Variants in GRM3 observed in about 807,000 individuals in gnomAD.
GRM3 encodes metabotropic glutamate receptor 3.
In GRM3, 26 loss-of-function variants were observed where a neutral mutation model predicts 70.5. That is an observed-to-expected ratio of 0.37 (90% CI 0.27 to 0.51). The LOEUF (loss-of-function observed/expected upper bound fraction) is 0.51. Among genes scored for constraint, GRM3 ranks in the 20% least tolerant of loss-of-function variants. The pLI is 0.93. For missense variants in GRM3, 859 were observed against 1,123.8 expected, an observed-to-expected ratio of 0.76 and a Z score of 3.37; for synonymous variants, 443 against 434.9, an observed-to-expected ratio of 1.02 and a Z score of -0.23.
At chr7:86,803,381 C>T (rs913869968) in intron 3 of GRM3, among the ~76,000 whole-genome samples, 2 of 152,140 alleles carry the variant, frequency 1.3e-5, no homozygotes, top group African/African-American at 4.8e-5. Context: ...TTGTCACATT[C>T]CTTTTCTGCC....
intron 1 of GRM3, among the ~76,000 whole-genome samples, chr7:86,668,580 G>T (rs768409500): frequency 1.3e-5 from 2 of 152,026 alleles, no homozygotes; most frequent in Non-Finnish European, 2.9e-5. Flanking sequence ...ACTTTCTAAT[G>T]ACCCCGTCTT....
At chr7:86,805,343 C>T (rs1485094694) in intron 3 of GRM3, among the ~76,000 whole-genome samples, 1 of 152,096 alleles carries the variant, frequency 6.6e-6, no homozygotes, top group Non-Finnish European at 1.5e-5. Flanking sequence ...AGAGTTCCCA[C>T]ATACTCCTCC....
At chr7:86,661,661 T>A (rs1793896335) in intron 1 of GRM3, among the ~76,000 whole-genome samples, 1 of 151,966 alleles carries the variant, frequency 6.6e-6, no homozygotes, top group Non-Finnish European at 1.5e-5. Flanking sequence ...AAGAAAAAAT[T>A]ACTCTGAATC....
At chr7:86,781,674 GT>G (rs902034897) in intron 2 of GRM3, among the ~76,000 whole-genome samples, 4 of 151,956 alleles carry the variant, frequency 2.6e-5, no homozygotes, top group African/African-American at 9.7e-5. Context: ...AAAACAAAAG[GT>G]TTAGATCATC....
chr7:86,824,039 G>C (rs1006318600), intron 3 of GRM3, among the ~76,000 whole-genome samples: 4 of 152,166 alleles, frequency 2.6e-5, no homozygotes, highest in Non-Finnish European at 5.9e-5. Context: ...CTAGAGACTG[G>C]AAGTGCAAAG....
chr7:86,644,684 C>T lies in GRM3; in HGVS notation c.-329C>T, dbSNP rs1159949584. On this transcript the variant is annotated 5_prime_UTR_variant, in exon 1 of 6. Transcript: ENST00000361669. Reference sequence around the variant, plus strand: ...CAGGGGGCACTGTGACAGGAAGCTGCGCGCACAAGTTGGCCATTTCGAGGG... The same window carrying T: ...CAGGGGGCACTGTGACAGGAAGCTGTGCGCACAAGTTGGCCATTTCGAGGG... 5.6e-6 allele frequency: 4 copies of T among 718,358 alleles called. No homozygotes were observed. Among genetic ancestry groups the T allele is most frequent in the South Asian group, 1.4e-5 (1 of 69,782 alleles). 44.5% of individuals were successfully genotyped at this position (718,358 alleles called of 1,614,324 possible).
intron 4 of GRM3, 98 bp from the exon 5 acceptor site, chr7:86,850,272 T>A: frequency 2.7e-6 from 2 of 747,620 alleles, no homozygotes; most frequent in South Asian, 3.3e-5. Flanking sequence ...TGTCAATTAT[T>A]CTGGATTTTT....
At chr7:86,748,032 C>T (rs903342943) in intron 1 of GRM3, among the ~76,000 whole-genome samples, 1 of 152,006 alleles carries the variant, frequency 6.6e-6, no homozygotes, top group African/African-American at 2.4e-5. Flanking sequence ...TTTTTAAAAG[C>T]TTAGTAGACT....
chr7:86,758,439 G>C (rs1007648290), intron 1 of GRM3, among the ~76,000 whole-genome samples: 1 of 152,142 alleles, frequency 6.6e-6, no homozygotes, highest in Non-Finnish European at 1.5e-5. Flanking sequence ...AGGGAATTTG[G>C]AGAGGCTCTA....
chr7:86,834,729 T>C (rs936612399), intron 3 of GRM3, among the ~76,000 whole-genome samples: 1 of 152,036 alleles, frequency 6.6e-6, no homozygotes, highest in Admixed American at 6.6e-5. Flanking sequence ...CATATTACTT[T>C]AGAAGTGCTT....
chr7:86,797,077 G>A (rs989724828), intron 3 of GRM3, among the ~76,000 whole-genome samples: 5 of 152,158 alleles, frequency 3.3e-5, no homozygotes, highest in African/African-American at 1.2e-4. Context: ...TAATTACCCA[G>A]TCTCAGGTAT....
intron 3 of GRM3, among the ~76,000 whole-genome samples, chr7:86,818,347 T>C (rs997994651): frequency 2.0e-5 from 3 of 152,052 alleles, no homozygotes; most frequent in African/African-American, 7.2e-5. Flanking sequence ...AACAAATACA[T>C]AAATTAGACT....
chr7:86,842,248 C>A (rs1158646274), intron 4 of GRM3, among the ~76,000 whole-genome samples: 1 of 152,186 alleles, frequency 6.6e-6, no homozygotes. Flanking sequence ...CTTATCCCAC[C>A]AATATGTCTA....
chr7:86,704,156 A>G (rs1023372601), intron 1 of GRM3, among the ~76,000 whole-genome samples: 3 of 151,932 alleles, frequency 2.0e-5, no homozygotes, highest in Non-Finnish European at 4.4e-5. Flanking sequence ...ATATTTTCAT[A>G]TTATGTATTA....
chr7:86,712,269 G>C (rs910653340), intron 1 of GRM3, among the ~76,000 whole-genome samples: 1 of 151,832 alleles, frequency 6.6e-6, no homozygotes, highest in African/African-American at 2.4e-5. Context: ...ATCATTTTCA[G>C]TACTTTCTGT....
chr7:86,816,026 C>T (rs1263833584), intron 3 of GRM3, among the ~76,000 whole-genome samples: 1 of 151,734 alleles, frequency 6.6e-6, no homozygotes, highest in African/African-American at 2.4e-5. Flanking sequence ...TGGTTAAGTA[C>T]CATAAGAATG....
At chr7:86,796,020 G>T (rs572982968) in intron 3 of GRM3, among the ~76,000 whole-genome samples, 2 of 152,276 alleles carry the variant, frequency 1.3e-5, no homozygotes, top group African/African-American at 2.4e-5. Flanking sequence ...TAGGTTGGTT[G>T]TTCAGTTGAG....
chr7:86,734,047 C>T (rs1261926777), intron 1 of GRM3, among the ~76,000 whole-genome samples: 1 of 152,114 alleles, frequency 6.6e-6, no homozygotes, highest in African/African-American at 2.4e-5. Flanking sequence ...AGGGAGTATC[C>T]AGTTTTACTG....
At chr7:86,730,626 A>G in intron 1 of GRM3, among the ~76,000 whole-genome samples, 1 of 152,220 alleles carries the variant, frequency 6.6e-6, no homozygotes. Flanking sequence ...CTTCCAAAAT[A>G]ATTACGTAAC....
Sources: allele counts gnomAD v4.1 joint callset (sites outside exome capture counted in the v4.1 genomes callset), GRCh38; gene constraint gnomAD v4.1.1; transcripts MANE v1.5; gene names NCBI Gene and HGNC (gene_info 2026-07-23, HGNC 2026-07-21).